RPL24: variants seen among roughly 807,000 people sequenced by gnomAD.
RPL24 encodes ribosomal protein L24.
Under a neutral mutation model 26.4 loss-of-function variants are expected in RPL24, and 7 were observed. That is an observed-to-expected ratio of 0.27 (90% CI 0.15 to 0.50). RPL24 has a LOEUF of 0.50. Ranked by LOEUF, RPL24 falls within the 20% of genes least tolerant of loss-of-function variation. The probability of loss-of-function intolerance (pLI) is 0.98; values close to 1 mark genes in which losing one functional copy is unlikely to be tolerated. For missense variants in RPL24, 109 were observed against 194.9 expected (o/e 0.56, Z 2.62); for synonymous variants, 67 against 65.2 (o/e 1.03, Z -0.13).
chr3:101,682,207 A>T, intron 5 of RPL24: 2 of 503,750 alleles, frequency 4.0e-6, no homozygotes, highest in South Asian at 4.6e-5. Context: ...ACAAACAAAC[A>T]AACAAAAAAT....
chr3:101,681,410 T>G, intron 5 of RPL24, 195 bp from the exon 6 acceptor site: 1 of 579,064 alleles, frequency 1.7e-6, no homozygotes, highest in Non-Finnish European at 3.1e-6. Flanking sequence ...AAGACTAAGA[T>G]ACCCTCACAG....
In RPL24 at chr3:101,682,344, C is replaced by T. The variant is rs774921425; in HGVS notation, c.393+85G>A. On this transcript the variant is annotated intron_variant, in intron 5 of 5. Coordinates refer to ENST00000394077, the MANE Select transcript of RPL24 (RefSeq NM_000986.4). ...TCAGATCACGCCACTGCACCCCATC[C>T]TGGGCAACAGAGCAAGACTCCGTCT... is the stretch of plus-strand genomic sequence containing the variant. 2.8e-6 allele frequency: 3 copies of T among 1,087,276 alleles called. No homozygotes were observed. The Admixed American group carries it at 5.1e-5, about 18-fold the overall frequency. 67.4% of individuals were successfully genotyped at this position (1,087,276 alleles called of 1,614,324 possible). A position where few individuals can be genotyped will look rare whatever the true frequency, so the allele number is the denominator to read the frequency against.
rs201287752 is a variant in RPL24 at position 101,686,680 on chromosome 3, G to T, written c.-4C>A. On this transcript the variant is annotated 5_prime_UTR_variant, in exon 1 of 6. Coordinates refer to ENST00000394077, the MANE Select transcript of RPL24 (RefSeq NM_000986.4). ...CCACGGGTCGTGCTTACTTCATGGC[G>T]ACAGCTCCACGGAAAGACAAAAGAT... The T allele has an allele frequency of 3.1e-6, 5 of 1,614,214 alleles. No individual in the cohort carries two copies. The highest frequency in any genetic ancestry group is 3.4e-6 in the Non-Finnish European group (4 of 1,180,020).
At position 101,686,559 on chromosome 3, in the gene RPL24, T is replaced by G; in HGVS notation, c.6-2A>C. On this transcript the variant is annotated splice_acceptor_variant, in intron 1 of 5. Transcript: ENST00000394077. LOFTEE classifies it high-confidence loss of function. Reference sequence around the variant, plus strand: ...CCGCTAAAACTGCACAGCTCGACCCTGCAACAAAAAGTGAAAGTCCATCAG... The same window carrying G: ...CCGCTAAAACTGCACAGCTCGACCCGGCAACAAAAAGTGAAAGTCCATCAG... 1 of 1,614,184 alleles carries G rather than the reference T, an allele frequency of 6.2e-7. No individual in the cohort carries two copies. Among genetic ancestry groups the G allele is most frequent in the Non-Finnish European group, 8.5e-7 (1 of 1,180,022 alleles).
Position 101,682,470 on chromosome 3 carries a change from C to T in RPL24, c.352G>A (p.Ala118Thr), listed in dbSNP as rs1337995166. 1 of 1,613,918 alleles carries T rather than the reference C, an allele frequency of 6.2e-7. No individual in the cohort carries two copies. The highest frequency in any genetic ancestry group is 1.3e-5 in the African/African-American group (1 of 74,934). Residue 118 changes from alanine (A) to threonine (T), a missense_variant, in exon 5 of 6, where the codon GCT (alanine) becomes ACT (threonine). Transcript: ENST00000394077. Reference protein sequence around the residue: ...AIRAAKEAKKAKQASKKTAMA... With the variant: ...AIRAAKEAKKTKQASKKTAMA... Reference sequence around the variant, plus strand: ...GCAGTCTTTTTAGATGCTTGCTTAGCCTTTTTTGCTTCCTTAGCAGCCCTG... The same window carrying T: ...GCAGTCTTTTTAGATGCTTGCTTAGTCTTTTTTGCTTCCTTAGCAGCCCTG...
intron 3 of RPL24, among the ~76,000 whole-genome samples, chr3:101,684,095 G>A (rs927603550): frequency 3.9e-5 from 6 of 152,038 alleles, no homozygotes; most frequent in African/African-American, 7.2e-5. Context: ...TCAAGCTCAA[G>A]GGATCCTCTT....
intron 5 of RPL24, 24 bp downstream of exon 5, chr3:101,682,405 A>G: frequency 6.3e-7 from 1 of 1,593,814 alleles, no homozygotes; most frequent in Non-Finnish European, 8.6e-7. Flanking sequence ...ATTGTTCAAG[A>G]AAGTAAAGAA....
At position 101,682,756 on chromosome 3, in the gene RPL24, G is replaced by A. The variant is rs2108338087; in HGVS notation, c.329+15C>T. ...TCCGAATAGGTAAAATGCTCATAAT[G>A]AAAGCATTCCTCACCTGATAGCTTG... On this transcript the variant is annotated intron_variant, in intron 4 of 5. Transcript: ENST00000394077. 6.2e-7 allele frequency: 1 copy of A among 1,609,972 alleles called. No individual in the cohort carries two copies. Among genetic ancestry groups the A allele is most frequent in the East Asian group, 2.2e-5 (1 of 44,834 alleles).
chr3:101,681,228 AAC>A lies in RPL24; in HGVS notation c.394-15_394-14del, dbSNP rs754763932. Reference sequence around the variant, plus strand: ...CCTTTGTAGGTGCCTGTAAAAAGATAACACAATATTACTCCACAAAACTTTTG... The same window carrying A: ...CCTTTGTAGGTGCCTGTAAAAAGATAACAATATTACTCCACAAAACTTTTG... On this transcript the variant is annotated splice_polypyrimidine_tract_variant and intron_variant, in intron 5 of 5. Coordinates refer to ENST00000394077, the MANE Select transcript of RPL24 (RefSeq NM_000986.4). 5 of 1,595,598 alleles carry A rather than the reference AAC, an allele frequency of 3.1e-6. No homozygotes were observed. Among genetic ancestry groups the A allele is most frequent in the Non-Finnish European group, 4.3e-6 (5 of 1,163,358 alleles).
intron 3 of RPL24, among the ~76,000 whole-genome samples, chr3:101,685,064 TTA>T (rs1028800243): frequency 2.0e-5 from 3 of 152,078 alleles, no homozygotes; most frequent in African/African-American, 7.2e-5. Flanking sequence ...GGGATAATTT[TTA>T]TGTTTACCCT....
chr3:101,686,626 T>C (rs1405637011), intron 1 of RPL24, 46 bp downstream of exon 1: 2 of 1,614,060 alleles, frequency 1.2e-6, no homozygotes, highest in East Asian at 2.2e-5. Flanking sequence ...AGAGAGGAGT[T>C]CTGCCCGAGG....
intron 5 of RPL24, 51 bp downstream of exon 5, chr3:101,682,375 AAAG>A (rs1287905723): frequency 1.4e-6 from 2 of 1,476,816 alleles, no homozygotes; most frequent in Non-Finnish European, 1.9e-6. Context: ...CGTCTCAAAA[AAAG>A]AAAATTTTCC....
At position 101,686,498 on chromosome 3, in the gene RPL24, G is replaced by C. The variant is rs759536626; in HGVS notation, c.65C>G (p.Ala22Gly). 18 of 1,614,062 alleles carry C rather than the reference G, an allele frequency of 1.1e-5. No homozygotes were observed. The highest frequency in any genetic ancestry group is 8.3e-5 in the Admixed American group (5 of 60,004). Residue 22 changes from alanine (A) to glycine (G), a missense_variant, in exon 2 of 6, where the codon GCC becomes GGC. Physicochemically the swap from Ala to Gly is moderately conservative, Grantham distance 60. Transcript: ENST00000394077. ...KIYPGHGRRY[A>G]RTDGKVFQFL... is the part of the protein sequence containing the mutation. Reference sequence around the variant, plus strand: ...GCTTTTTACCTTCCCGTCGGTCCTGGCGTAGCGCCTCCCGTGTCCGGGGTA... The same window carrying C: ...GCTTTTTACCTTCCCGTCGGTCCTGCCGTAGCGCCTCCCGTGTCCGGGGTA...
chr3:101,684,044 C>G (rs1223751155), intron 3 of RPL24, among the ~76,000 whole-genome samples: 5 of 152,008 alleles, frequency 3.3e-5, no homozygotes, highest in Non-Finnish European at 7.4e-5. Flanking sequence ...AAACTGGGGT[C>G]TTCACTACTA....
intron 4 of RPL24, 87 bp from the exon 5 acceptor site, chr3:101,682,579 A>G (rs747307805): frequency 2.1e-5 from 25 of 1,207,926 alleles, no homozygotes; most frequent in Non-Finnish European, 3.0e-5. Context: ...CTGGACAAGT[A>G]CAATGACCAT....
Position 101,684,776 on chromosome 3 carries a change from C to CAAAAAAAAA in RPL24, c.192+1033_192+1041dup, listed in dbSNP as rs57278210. Among the ~76,000 whole-genome samples the CAAAAAAAAA allele has an allele frequency of 3.0e-3, 162 of 53,204 alleles. 20 individuals are homozygous for CAAAAAAAAA. The highest frequency in any genetic ancestry group is 5.7e-3 in the East Asian group (8 of 1,402). 34.9% of individuals were successfully genotyped at this position (53,204 alleles called of 152,430 possible). On this transcript the variant is annotated intron_variant, in intron 3 of 5. Transcript: ENST00000394077. The stretch of plus-strand genomic sequence containing the variant: ...CTGAGCAACAGAGGACCTGTCTCCC[C>CAAAAAAAAA]AAAAAAAAAAAAAAAAAAAAAAAAA...
At chr3:101,684,016 T>G (rs996292814) in intron 3 of RPL24, among the ~76,000 whole-genome samples, 2 of 152,070 alleles carry the variant, frequency 1.3e-5, no homozygotes, top group South Asian at 2.1e-4. Context: ...CCAGCCTGTT[T>G]TCTATTTTTT....
chr3:101,686,123 C>T, intron 2 of RPL24, 195 bp from the exon 3 acceptor site: 1 of 578,960 alleles, frequency 1.7e-6, no homozygotes, highest in Non-Finnish European at 3.1e-6. Flanking sequence ...TGCGTTTAGT[C>T]TTTTCTCGAG....
In RPL24 at chr3:101,686,016, G is replaced by A. The variant is rs562568000; in HGVS notation, c.82-88C>T. The stretch of plus-strand genomic sequence containing the variant: ...CTTGGAATCCTTAGAAGATCAATAT[G>A]CTAGTTCTGGCTTATCATTTTACAA... On this transcript the variant is annotated intron_variant, in intron 2 of 5. Coordinates refer to ENST00000394077, the MANE Select transcript of RPL24 (RefSeq NM_000986.4). 6.3e-5 allele frequency: 52 copies of A among 822,906 alleles called. No individual in the cohort carries two copies. In the South Asian group the frequency reaches 7.6e-4, roughly 12 times the overall value. 51.0% of individuals were successfully genotyped at this position (822,906 alleles called of 1,614,324 possible). A position where few individuals can be genotyped will look rare whatever the true frequency, so the allele number is the denominator to read the frequency against.
Sources: allele counts gnomAD v4.1 joint callset (sites outside exome capture counted in the v4.1 genomes callset), GRCh38; gene constraint gnomAD v4.1.1; transcripts MANE v1.5; gene names NCBI Gene and HGNC (gene_info 2026-07-23, HGNC 2026-07-21).